ZPBP: variants seen among roughly 807,000 people sequenced by gnomAD.
The protein encoded by ZPBP is zona pellucida binding protein.
In ZPBP, 26 loss-of-function variants were observed where a neutral mutation model predicts 44.8. The observed-to-expected ratio is 0.58, with a 90% CI of 0.43 to 0.81. The LOEUF is 0.81. Among genes scored for constraint, ZPBP ranks in the 30% least tolerant of loss-of-function variants. The pLI is 0.00. For synonymous variants in ZPBP, 174 were observed against 153.2 expected, an observed-to-expected ratio of 1.14 and a Z score of -1.00; for missense variants, 409 against 434.0, an observed-to-expected ratio of 0.94 and a Z score of 0.51.
intron 3 of ZPBP, among the ~76,000 whole-genome samples, chr7:50,077,389 AC>A (rs1354377363): frequency 6.6e-6 from 1 of 151,860 alleles, no homozygotes; most frequent in East Asian, 1.9e-4. Flanking sequence ...GAAAATACAG[AC>A]AAATGGGATT....
At chr7:50,048,212 G>C (rs1800484932) in intron 4 of ZPBP, among the ~76,000 whole-genome samples, 1 of 151,972 alleles carries the variant, frequency 6.6e-6, no homozygotes, top group African/African-American at 2.4e-5. Context: ...CAGTATATCA[G>C]GAAGAAAGAA....
intron 3 of ZPBP, among the ~76,000 whole-genome samples, chr7:50,078,326 T>C (rs912173138): frequency 1.3e-5 from 2 of 151,594 alleles, no homozygotes; most frequent in African/African-American, 4.8e-5. Flanking sequence ...ACCTACTATT[T>C]GATAGCACAA....
chr7:49,889,655 G>T (rs1158664279), intron 2 of ZPBP, among the ~76,000 whole-genome samples: 1 of 152,154 alleles, frequency 6.6e-6, no homozygotes, highest in Non-Finnish European at 1.5e-5. Flanking sequence ...TGCTCCTTAA[G>T]TTTGCCCTAG....
At chr7:49,865,426 C>T (rs925431333) in intron 2 of ZPBP, among the ~76,000 whole-genome samples, 3 of 152,150 alleles carry the variant, frequency 2.0e-5, no homozygotes, top group Non-Finnish European at 4.4e-5. Context: ...TATAACCAAC[C>T]GCAAAACGTA....
At chr7:49,980,847 A>G (rs891242512) in intron 7 of ZPBP, among the ~76,000 whole-genome samples, 1 of 152,022 alleles carries the variant, frequency 6.6e-6, no homozygotes, top group Non-Finnish European at 1.5e-5. Context: ...AATCATAGCA[A>G]TATCATTCTC....
At chr7:49,937,378 C>T, downstream of ZPBP, 1 of 634,368 alleles carries the variant, frequency 1.6e-6, no homozygotes, top group Non-Finnish European at 2.8e-6. Flanking sequence ...TTTTCATCCT[C>T]ATAAAACATT....
At chr7:50,054,320 T>C (rs1800828672) in intron 4 of ZPBP, among the ~76,000 whole-genome samples, 1 of 151,970 alleles carries the variant, frequency 6.6e-6, no homozygotes, top group Non-Finnish European at 1.5e-5. Context: ...AAGGTAGAAA[T>C]TACTTAAAGC....
intron 1 of ZPBP, among the ~76,000 whole-genome samples, chr7:49,907,671 A>G (rs1393198054): frequency 6.6e-6 from 1 of 152,210 alleles, no homozygotes; most frequent in Non-Finnish European, 1.5e-5. Flanking sequence ...TAAGACATCA[A>G]TCAATACATG....
intron 3 of ZPBP, among the ~76,000 whole-genome samples, chr7:50,066,760 G>C (rs1412141809): frequency 6.6e-6 from 1 of 152,164 alleles, no homozygotes; most frequent in Admixed American, 6.5e-5. Context: ...GATGTGATTA[G>C]AGCAGAGCTT....
At position 50,093,105 on chromosome 7, in the gene ZPBP, G is replaced by A. The variant is rs372210090; in HGVS notation, c.90C>T (p.Leu30=). The A allele has an allele frequency of 1.6e-5, 25 of 1,595,820 alleles. No homozygotes were observed. Among genetic ancestry groups the A allele is most frequent in the Non-Finnish European group, 2.1e-5 (25 of 1,171,524 alleles). Residue 30 remains leucine (L), a synonymous_variant, in exon 1 of 8, where the codon CTC becomes CTT. Transcript: ENST00000046087. ...CCCGCACCAGGAAGGCGGAGATAAA[G>A]AGGAGGATGGCGGCCCGAGAGAGCA... is the stretch of plus-strand genomic sequence containing the variant. ...GSLLSRAAIL[L]FISAFLVRVP... is the part of the protein sequence containing the mutation.
At chr7:49,866,336 G>T (rs111361613) in intron 2 of ZPBP, among the ~76,000 whole-genome samples, 2 of 152,252 alleles carry the variant, frequency 1.3e-5, no homozygotes, top group African/African-American at 4.8e-5. Context: ...CCTGACTGGC[G>T]TTCTTCCCTC....
intron 3 of ZPBP, among the ~76,000 whole-genome samples, chr7:50,075,902 A>G (rs1312195519): frequency 6.6e-6 from 1 of 151,994 alleles, no homozygotes; most frequent in East Asian, 1.9e-4. Context: ...AACTTATTTT[A>G]CAAGGCCAGT....
chr7:49,859,494 T>C (rs1421602747), intron 2 of ZPBP, among the ~76,000 whole-genome samples: 4 of 152,356 alleles, frequency 2.6e-5, no homozygotes, highest in African/African-American at 9.6e-5. Context: ...TTTTTTTTCT[T>C]GTTGTTCTTC....
chr7:50,085,230 T>C (rs942806369), intron 2 of ZPBP, among the ~76,000 whole-genome samples: 1 of 152,070 alleles, frequency 6.6e-6, no homozygotes, highest in Non-Finnish European at 1.5e-5. Flanking sequence ...AAGACAAATA[T>C]CTGGAACAGA....
chr7:49,901,339 C>T (rs1460243465), intron 1 of ZPBP: 1 of 151,608 alleles, frequency 6.6e-6, no homozygotes, highest in Non-Finnish European at 1.5e-5. Flanking sequence ...AGAAAAAAAA[C>T]TTCAGGAACT....
chr7:50,004,809 A>G (rs1798233703), intron 6 of ZPBP, among the ~76,000 whole-genome samples: 1 of 152,086 alleles, frequency 6.6e-6, no homozygotes, highest in African/African-American at 2.4e-5. Context: ...TATGTGAGAT[A>G]CCATATCAAG....
At chr7:50,010,211 G>A (rs780191511) in intron 6 of ZPBP, among the ~76,000 whole-genome samples, 7 of 152,052 alleles carry the variant, frequency 4.6e-5, no homozygotes, top group South Asian at 2.1e-4. Context: ...GATGAATAAC[G>A]CTACCATTAG....
chr7:50,053,447 A>G (rs1331149662), intron 4 of ZPBP, among the ~76,000 whole-genome samples: 1 of 152,238 alleles, frequency 6.6e-6, no homozygotes, highest in Non-Finnish European at 1.5e-5. Flanking sequence ...GAAGCAGAAC[A>G]GTTCTAATGC....
At chr7:49,920,883 A>G (rs751016443) in intron 1 of ZPBP, 2 of 152,200 alleles carry the variant, frequency 1.3e-5, no homozygotes, top group Non-Finnish European at 2.9e-5. Context: ...CTTCATTTCT[A>G]ATAGACTGTT....
Sources: allele counts gnomAD v4.1 joint callset (sites outside exome capture counted in the v4.1 genomes callset), GRCh38; gene constraint gnomAD v4.1.1; transcripts MANE v1.5; gene names NCBI Gene and HGNC (gene_info 2026-07-23, HGNC 2026-07-21).